The following ASIC2 variants were observed in gnomAD, a reference collection of about 807,000 sequenced individuals.
ASIC2 encodes the protein acid sensing ion channel subunit 2.
Under a neutral mutation model 57.3 loss-of-function variants are expected in ASIC2, and 25 were observed. That is an observed-to-expected ratio of 0.44 (90% confidence interval 0.32 to 0.61). The LOEUF is 0.61. Among genes scored for constraint, ASIC2 ranks in the 20% least tolerant of loss-of-function variants. The pLI, the probability that ASIC2 is intolerant of heterozygous loss-of-function variation, is 0.06. For missense variants in ASIC2, 641 were observed against 738.1 expected, an observed-to-expected ratio of 0.87 and a Z score of 1.52; for synonymous variants, 319 against 307.5, an observed-to-expected ratio of 1.04 and a Z score of -0.39.
At chr17:33,224,722 G>A (rs1907816325) in intron 1 of ASIC2, among the ~76,000 whole-genome samples, 1 of 152,172 alleles carries the variant, frequency 6.6e-6, no homozygotes, top group Non-Finnish European at 1.5e-5. Context: ...TATGATATGG[G>A]CATTTGCATC....
chr17:33,866,390 CAT>C (rs1914238236), intron 1 of ASIC2, among the ~76,000 whole-genome samples: 1 of 152,102 alleles, frequency 6.6e-6, no homozygotes, highest in African/African-American at 2.4e-5. Context: ...TGGATATCTT[CAT>C]AGTTTTCTAT....
intron 1 of ASIC2, among the ~76,000 whole-genome samples, chr17:33,705,146 C>CT (rs758287590): frequency 6.6e-6 from 1 of 152,128 alleles, no homozygotes; most frequent in African/African-American, 2.4e-5. Context: ...CTTCCTGCCT[C>CT]TTTTTTCTCA....
At chr17:33,917,602 C>T (rs1915611595) in intron 1 of ASIC2, among the ~76,000 whole-genome samples, 1 of 152,152 alleles carries the variant, frequency 6.6e-6, no homozygotes, top group Non-Finnish European at 1.5e-5. Context: ...ACTCCGGTTT[C>T]TTCTTCTTTA....
intron 1 of ASIC2, among the ~76,000 whole-genome samples, chr17:33,465,782 T>C (rs1222485031): frequency 6.6e-6 from 1 of 152,230 alleles, no homozygotes; most frequent in Non-Finnish European, 1.5e-5. Context: ...GATTAATGCC[T>C]AGCCACACAG....
intron 2 of ASIC2, among the ~76,000 whole-genome samples, chr17:33,108,159 C>T (rs993160124): frequency 6.6e-6 from 1 of 152,178 alleles, no homozygotes; most frequent in African/African-American, 2.4e-5. Context: ...TGGCCTGAGT[C>T]ACGCAGTTAG....
At chr17:33,183,622 C>T (rs1401730966) in intron 1 of ASIC2, among the ~76,000 whole-genome samples, 2 of 152,222 alleles carry the variant, frequency 1.3e-5, no homozygotes, top group South Asian at 2.1e-4. Context: ...ACTGTATCTG[C>T]TTTTCTATCA....
intron 1 of ASIC2, among the ~76,000 whole-genome samples, chr17:34,042,725 G>A (rs931750765): frequency 2.0e-5 from 3 of 152,186 alleles, no homozygotes; most frequent in African/African-American, 7.2e-5. Context: ...TGCGGAGAAA[G>A]AGTTTTAGTA....
At chr17:33,864,052 C>G (rs1265945811) in intron 1 of ASIC2, among the ~76,000 whole-genome samples, 1 of 151,916 alleles carries the variant, frequency 6.6e-6, no homozygotes, top group Non-Finnish European at 1.5e-5. Context: ...TACAGGCAAG[C>G]ACTATTATGC....
intron 1 of ASIC2, among the ~76,000 whole-genome samples, chr17:33,616,532 G>T (rs1331520009): frequency 6.6e-6 from 1 of 152,210 alleles, no homozygotes; most frequent in Non-Finnish European, 1.5e-5. Flanking sequence ...TCAGTTTCTT[G>T]TAGACAAATC....
intron 1 of ASIC2, among the ~76,000 whole-genome samples, chr17:33,949,926 A>G (rs1195289172): frequency 6.6e-6 from 1 of 152,216 alleles, no homozygotes; most frequent in Non-Finnish European, 1.5e-5. Flanking sequence ...CTAGAGATGT[A>G]CCTCCAAATC....
At chr17:34,020,236 T>C (rs746903952) in intron 1 of ASIC2, among the ~76,000 whole-genome samples, 3 of 152,330 alleles carry the variant, frequency 2.0e-5, no homozygotes, top group South Asian at 2.1e-4. Flanking sequence ...CCCTGGGCCA[T>C]AGTAGACCTG....
chr17:33,289,058 C>G (rs550560255), intron 1 of ASIC2, among the ~76,000 whole-genome samples: 1 of 152,136 alleles, frequency 6.6e-6, no homozygotes, highest in Non-Finnish European at 1.5e-5. Context: ...AGGGGTGAAG[C>G]CTTTAATTCT....
intron 3 of ASIC2, among the ~76,000 whole-genome samples, chr17:33,055,352 C>T (rs562610735): frequency 3.3e-5 from 5 of 152,208 alleles, no homozygotes; most frequent in African/African-American, 4.8e-5. Context: ...TTTTCCTCTC[C>T]TGCTCCAGGA....
chr17:33,139,717 TC>T (rs779880410), intron 1 of ASIC2, among the ~76,000 whole-genome samples: 2 of 152,260 alleles, frequency 1.3e-5, no homozygotes, highest in Non-Finnish European at 2.9e-5. Flanking sequence ...AAAGACTCAC[TC>T]CCAGACACCC....
intron 1 of ASIC2, among the ~76,000 whole-genome samples, chr17:33,203,211 A>G (rs1906943811): frequency 6.6e-6 from 1 of 152,214 alleles, no homozygotes; most frequent in Non-Finnish European, 1.5e-5. Context: ...AAGCAGCCCG[A>G]AGGCAGGGAT....
intron 1 of ASIC2, among the ~76,000 whole-genome samples, chr17:33,276,818 G>A (rs1904723846): frequency 6.6e-6 from 1 of 152,238 alleles, no homozygotes; most frequent in African/African-American, 2.4e-5. Flanking sequence ...TCTCAGAGCA[G>A]GATTCAGGAC....
chr17:34,045,918 G>A (rs79333583), intron 1 of ASIC2, among the ~76,000 whole-genome samples: 49 of 152,244 alleles, frequency 3.2e-4, no homozygotes, highest in Non-Finnish European at 6.9e-4. Flanking sequence ...ATGGAATATG[G>A]AGGTAGTATC....
At chr17:34,039,957 C>G in intron 1 of ASIC2, 2 of 1,198,922 alleles carry the variant, frequency 1.7e-6, no homozygotes, top group Non-Finnish European at 1.2e-6. Flanking sequence ...GCTCCGCTCT[C>G]CCCCTGGGCA....
At chr17:33,056,500 G>T (rs1052558036) in intron 3 of ASIC2, among the ~76,000 whole-genome samples, 1 of 152,066 alleles carries the variant, frequency 6.6e-6, no homozygotes, top group Non-Finnish European at 1.5e-5. Flanking sequence ...ATAGACACAG[G>T]TTGAGCCATG....
Sources: gnomAD v4.1 joint callset for allele counts (sites outside exome capture counted in the v4.1 genomes callset) on GRCh38, gnomAD v4.1.1 for gene constraint, MANE v1.5 for transcripts, NCBI Gene and HGNC (gene_info 2026-07-23, HGNC 2026-07-21) for gene names.